Variants in UNC13C observed in about 807,000 individuals in gnomAD.
The protein encoded by UNC13C is protein unc-13 homolog C.
UNC13C carries 174 observed loss-of-function variants against 245.4 expected under a neutral mutation model. That is an observed-to-expected ratio of 0.71 (90% CI 0.63 to 0.80). The LOEUF is 0.80. Among genes scored for constraint, UNC13C ranks in the 30% least tolerant of loss-of-function variants. The pLI is 0.00. For missense variants in UNC13C, 2,829 were observed against 2,602.9 expected (o/e 1.09, Z -1.89); for synonymous variants, 992 against 895.1 (o/e 1.11, Z -1.93).
rs143166294 is a variant in UNC13C at position 54,613,981 on chromosome 15, C to T, written c.6107-8346C>T. On this transcript the variant is annotated intron_variant, in intron 30 of 32. Transcript: ENST00000260323. Reference sequence around the variant, plus strand: ...ATAAAACAGGGTAAGAACTCCAGCCCCATTTCCTGTTGCCCCAGCTACTTT... The same window carrying T: ...ATAAAACAGGGTAAGAACTCCAGCCTCATTTCCTGTTGCCCCAGCTACTTT... 3.3e-3 allele frequency among the ~76,000 whole-genome samples: 497 copies of T among 151,956 alleles called. 6 individuals carry two copies. Among genetic ancestry groups the T allele is most frequent in the African/African-American group, 0.011 (463 of 41,506 alleles).
intron 10 of UNC13C, among the ~76,000 whole-genome samples, chr15:54,272,096 C>G (rs927551349): frequency 2.0e-5 from 3 of 152,216 alleles, no homozygotes; most frequent in Non-Finnish European, 2.9e-5. Flanking sequence ...CTTTGAATCT[C>G]AGTTTCGCCA....
At chr15:54,252,281 G>A (rs918329817) in intron 8 of UNC13C, among the ~76,000 whole-genome samples, 5 of 152,076 alleles carry the variant, frequency 3.3e-5, no homozygotes, top group South Asian at 4.1e-4. Context: ...CTACCCATTC[G>A]TTAAACTGTA....
intron 30 of UNC13C, among the ~76,000 whole-genome samples, chr15:54,605,585 A>G (rs1039726068): frequency 2.0e-5 from 3 of 152,158 alleles, no homozygotes; most frequent in Non-Finnish European, 2.9e-5. Flanking sequence ...TTGTCCTGGC[A>G]TGGAGCCCAC....
chr15:53,882,877 A>C, the UNC13C span, among the ~76,000 whole-genome samples: 1 of 152,182 alleles, frequency 6.6e-6, no homozygotes, highest in Non-Finnish European at 1.5e-5. Context: ...TTGGAACAAC[A>C]CACACTGGGG....
At chr15:53,913,012 T>C in the UNC13C span, 3,018 of 152,254 alleles carry the variant, frequency 0.02, 113 homozygotes, top group African/African-American at 0.068. Flanking sequence ...TGCATTCTTC[T>C]CCATTGACAT....
chr15:54,123,338 T>A (rs1395063042), intron 2 of UNC13C, among the ~76,000 whole-genome samples: 1 of 151,620 alleles, frequency 6.6e-6, no homozygotes, highest in Non-Finnish European at 1.5e-5. Context: ...GTAATGAATA[T>A]CTATGTGTGT....
At chr15:54,630,005 T>TTTAC (rs1444023123), downstream of UNC13C, 42 of 152,314 alleles carry the variant, frequency 2.8e-4, no homozygotes, top group African/African-American at 9.6e-4. Context: ...GCCTGTTATA[T>TTTAC]TTACTTACCC....
the UNC13C span, among the ~76,000 whole-genome samples, chr15:53,891,344 T>A: frequency 6.6e-6 from 1 of 152,292 alleles, no homozygotes; most frequent in Non-Finnish European, 1.5e-5. Flanking sequence ...ATTCTGTTGA[T>A]TTGGGGTGGA....
upstream of UNC13C, among the ~76,000 whole-genome samples, chr15:53,973,413 T>C (rs1032452334): frequency 1.3e-5 from 2 of 152,068 alleles, no homozygotes; most frequent in African/African-American, 4.8e-5. Flanking sequence ...AGAAATTACA[T>C]TTATACCTAT....
intron 25 of UNC13C, among the ~76,000 whole-genome samples, chr15:54,530,561 C>A (rs1305006143): frequency 6.6e-6 from 1 of 151,840 alleles, no homozygotes; most frequent in African/African-American, 2.4e-5. Context: ...ATGAAGAATG[C>A]CATTGAGAAA....
intron 2 of UNC13C, among the ~76,000 whole-genome samples, chr15:54,025,564 C>T (rs1026033041): frequency 2.0e-5 from 3 of 152,250 alleles, no homozygotes; most frequent in East Asian, 1.9e-4. Context: ...TGTACTTTGG[C>T]GTTTATCTTC....
intron 4 of UNC13C, among the ~76,000 whole-genome samples, chr15:54,181,557 G>C (rs1468841568): frequency 6.6e-6 from 1 of 151,782 alleles, no homozygotes; most frequent in Non-Finnish European, 1.5e-5. Context: ...GTGAATTTTA[G>C]AGTAGTTTTT....
intron 2 of UNC13C, among the ~76,000 whole-genome samples, chr15:54,028,461 G>A (rs1896211797): frequency 6.6e-6 from 1 of 152,062 alleles, no homozygotes; most frequent in South Asian, 2.1e-4. Context: ...CATATAAATT[G>A]GCAAAACTAA....
intron 19 of UNC13C, among the ~76,000 whole-genome samples, chr15:54,463,751 C>T (rs1474703964): frequency 1.3e-5 from 2 of 152,128 alleles, no homozygotes; most frequent in Non-Finnish European, 2.9e-5. Context: ...ACCAAGAACC[C>T]ACCAATTCCG....
At chr15:54,482,716 T>TAAAC (rs910733144) in intron 19 of UNC13C, among the ~76,000 whole-genome samples, 3 of 149,942 alleles carry the variant, frequency 2.0e-5, no homozygotes, top group Non-Finnish European at 4.5e-5. Flanking sequence ...ACCTCTAGTT[T>TAAAC]ACCCATCTTG....
At chr15:54,206,702 C>A (rs1012444981) in intron 4 of UNC13C, among the ~76,000 whole-genome samples, 2 of 152,058 alleles carry the variant, frequency 1.3e-5, no homozygotes, top group Non-Finnish European at 2.9e-5. Context: ...TGGCACTAGT[C>A]AGCAAGTACA....
At chr15:54,473,898 C>T (rs528940205) in intron 19 of UNC13C, among the ~76,000 whole-genome samples, 1 of 123,478 alleles carries the variant, frequency 8.1e-6, no homozygotes, top group Non-Finnish European at 1.8e-5. Context: ...TGTCACCCTT[C>T]TGAGTCTCTA....
At chr15:54,395,088 C>G (rs1246946893) in intron 18 of UNC13C, among the ~76,000 whole-genome samples, 4 of 151,586 alleles carry the variant, frequency 2.6e-5, no homozygotes, top group Non-Finnish European at 5.9e-5. Flanking sequence ...ATGCCTTCCT[C>G]TATTTGGAAT....
chr15:54,225,986 T>C (rs1160613015), intron 4 of UNC13C, among the ~76,000 whole-genome samples: 1 of 152,224 alleles, frequency 6.6e-6, no homozygotes, highest in Admixed American at 6.5e-5. Context: ...GTTCCTTCAA[T>C]ACCTAGTTTA....
Sources: allele counts gnomAD v4.1 joint callset (sites outside exome capture counted in the v4.1 genomes callset), GRCh38; gene constraint gnomAD v4.1.1; transcripts MANE v1.5; gene names NCBI Gene and HGNC (gene_info 2026-07-23, HGNC 2026-07-21).